Variants in EML2 observed in about 807,000 individuals in gnomAD.
The protein encoded by EML2 is echinoderm microtubule-associated protein-like 2.
Under a neutral mutation model 84.7 loss-of-function variants are expected in EML2, and 59 were observed. That is an observed-to-expected ratio of 0.70 (90% CI 0.56 to 0.86). The LOEUF is 0.86. Ranked by LOEUF, EML2 falls within the 40% of genes least tolerant of loss-of-function variation. The probability of loss-of-function intolerance (pLI) is 0.00; values close to 1 mark genes in which losing one functional copy is unlikely to be tolerated. For synonymous variants in EML2, 352 were observed against 348.9 expected (o/e 1.01, Z -0.10); for missense variants, 818 against 855.6 (o/e 0.96, Z 0.55).
intron 3 of EML2, among the ~76,000 whole-genome samples, chr19:45,637,662 C>CTTTTTTTTTTTTTT (rs1206550438): frequency 2.2e-5 from 1 of 45,800 alleles, no homozygotes; most frequent in Admixed American, 2.5e-4. Flanking sequence ...TTTTCTTTTT[C>CTTTTTTTTTTTTTT]TTTTCTTTTT....
Position 45,627,414 on chromosome 19 carries a change from C to T in EML2, c.607-575G>A, listed in dbSNP as rs145054011. ...GATTTACAGGGACGTGCCACCACAC[C>T]TGGCTAATTTTTGTATTTTTAGTAG... On this transcript the variant is annotated intron_variant, in intron 7 of 18. Coordinates refer to ENST00000245925, the MANE Select transcript of EML2 (RefSeq NM_012155.4). Among the ~76,000 whole-genome samples the T allele has an allele frequency of 3.3e-5, 5 of 152,088 alleles. No individual in the cohort carries two copies. In the East Asian group the frequency reaches 9.7e-4, roughly 30 times the overall value.
At chr19:45,627,762 A>T (rs556976063) in intron 7 of EML2, among the ~76,000 whole-genome samples, 8 of 152,220 alleles carry the variant, frequency 5.3e-5, no homozygotes, top group Non-Finnish European at 1.2e-4. Context: ...CTCATTGCAA[A>T]TTAAAAAGTG....
chr19:45,609,447 A>G lies in EML2; in HGVS notation c.*216T>C, dbSNP rs1970256770. 1 of 481,150 alleles carries G rather than the reference A, an allele frequency of 2.1e-6. No homozygotes were observed. The highest frequency in any genetic ancestry group is 4.2e-5 in the Admixed American group (1 of 23,838). 29.8% of individuals were successfully genotyped at this position (481,150 alleles called of 1,614,324 possible). A position where few individuals can be genotyped will look rare whatever the true frequency, so the allele number is the denominator to read the frequency against. On this transcript the variant is annotated 3_prime_UTR_variant, in exon 19 of 19. Transcript: ENST00000245925. ...TGGATGATATAAAAGAAAAAACTTA[A>G]AAAACACCCCAAACCAAACACCAAT...
At chr19:45,616,435 C>T (rs1223344263) in intron 15 of EML2, 26 bp downstream of exon 15, 29 of 1,546,792 alleles carry the variant, frequency 1.9e-5, no homozygotes, top group Middle Eastern at 3.4e-4. Context: ...GGTGGCGGCG[C>T]GGGCTGGGGG....
At chr19:45,611,629 G>C (rs968421854) in intron 18 of EML2, among the ~76,000 whole-genome samples, 2 of 151,766 alleles carry the variant, frequency 1.3e-5, no homozygotes, top group African/African-American at 4.8e-5. Flanking sequence ...GGGATCACAG[G>C]TGCCCGCCAC....
intron 8 of EML2, among the ~76,000 whole-genome samples, chr19:45,625,681 C>G (rs1242784052): frequency 2.0e-5 from 3 of 152,156 alleles, no homozygotes; most frequent in Non-Finnish European, 4.4e-5. Flanking sequence ...CATCTCCGTG[C>G]CCAGTGTTCT....
chr19:45,637,926 C>T (rs1246554010), intron 3 of EML2, among the ~76,000 whole-genome samples: 2 of 152,090 alleles, frequency 1.3e-5, no homozygotes, highest in Non-Finnish European at 2.9e-5. Flanking sequence ...ATCTGCCCAC[C>T]TCGGCCTCCC....
upstream of EML2, among the ~76,000 whole-genome samples, chr19:45,643,927 C>A (rs1358373179): frequency 6.6e-6 from 1 of 152,208 alleles, no homozygotes; most frequent in African/African-American, 2.4e-5. Context: ...TTGTTGGCAT[C>A]ACGTTTTGCA....
At chr19:45,610,713 G>A (rs1336968706) in intron 18 of EML2, among the ~76,000 whole-genome samples, 4 of 152,040 alleles carry the variant, frequency 2.6e-5, no homozygotes, top group African/African-American at 4.8e-5. Flanking sequence ...GGTGGCACAC[G>A]CCTGTAGTCC....
In EML2 at chr19:45,612,888, C is replaced by CA. The variant is rs1555742716; in HGVS notation, c.1824+652_1824+653insT. Reference sequence around the variant, plus strand: ...AGAGAATGGTAAAATTAACGTCCAGCTTTTTTTTTTGTTTTTGTCTTTGTT... The same window carrying CA: ...AGAGAATGGTAAAATTAACGTCCAGCATTTTTTTTTTGTTTTTGTCTTTGTT... On this transcript the variant is annotated intron_variant, in intron 18 of 18. Coordinates refer to ENST00000245925, the MANE Select transcript of EML2 (RefSeq NM_012155.4). 4.3e-3 allele frequency among the ~76,000 whole-genome samples: 641 copies of CA among 149,294 alleles called. 5 individuals carry two copies. The highest frequency in any genetic ancestry group is 0.015 in the African/African-American group (618 of 40,806).
In EML2 at chr19:45,637,470, A is replaced by ATTT. The variant is rs66503218; in HGVS notation, c.179+1032_179+1034dup. Among the ~76,000 whole-genome samples, 278 of 101,602 alleles carry ATTT rather than the reference A, an allele frequency of 2.7e-3. 1 individual carries two copies. Among genetic ancestry groups the ATTT allele is most frequent in the African/African-American group, 7.7e-3 (191 of 24,962 alleles). 66.7% of individuals were successfully genotyped at this position (101,602 alleles called of 152,430 possible). A position where few individuals can be genotyped will look rare whatever the true frequency, so the allele number is the denominator to read the frequency against. ...GTAAGTGCTTGAGTTATTATTTTGG[A>ATTT]TTTTTTTTTTTTTTTTTTTTTTTTT... is the stretch of plus-strand genomic sequence containing the variant. On this transcript the variant is annotated intron_variant, in intron 3 of 18. Coordinates refer to ENST00000245925, the MANE Select transcript of EML2 (RefSeq NM_012155.4).
Position 45,622,761 on chromosome 19 carries a change from C to G in EML2, c.842-1124G>C, listed in dbSNP as rs1430891707. ...AAGACAATTTTTTAAAAAGAGAGGGCAGGCGGCCGGGTTCGGTGGCTCATG... is the reference window on the plus strand; with the variant it reads ...AAGACAATTTTTTAAAAAGAGAGGGGAGGCGGCCGGGTTCGGTGGCTCATG... On this transcript the variant is annotated intron_variant, in intron 9 of 18. Transcript: ENST00000245925. Among the ~76,000 whole-genome samples the G allele has an allele frequency of 2.0e-5, 3 of 152,150 alleles. No homozygotes were observed. In the East Asian group the frequency reaches 5.8e-4, roughly 29 times the overall value.
chr19:45,633,460 T>G (rs1432551267), intron 4 of EML2, among the ~76,000 whole-genome samples: 1 of 150,908 alleles, frequency 6.6e-6, no homozygotes, highest in Non-Finnish European at 1.5e-5. Flanking sequence ...CTATTCAGTT[T>G]TTTTTTTTTT....
chr19:45,636,971 AT>A (rs1265935707), intron 3 of EML2, among the ~76,000 whole-genome samples: 10 of 152,270 alleles, frequency 6.6e-5, no homozygotes, highest in African/African-American at 2.2e-4. Flanking sequence ...ATATACATAT[AT>A]CCTGACCCCA....
chr19:45,619,192 C>T lies in EML2; in HGVS notation c.1123-1G>A. ...GGCCCCACAGCTCTTCCACATGGCC[C>T]TGGTGGAAAGGGAGGACAGCAGGAT... On this transcript the variant is annotated splice_acceptor_variant, in intron 11 of 18. Transcript: ENST00000245925. LOFTEE classifies it high-confidence loss of function. 6.2e-7 allele frequency: 1 copy of T among 1,609,832 alleles called. No homozygotes were observed. Among genetic ancestry groups the T allele is most frequent in the South Asian group, 1.1e-5 (1 of 90,720 alleles).
intron 3 of EML2, among the ~76,000 whole-genome samples, chr19:45,637,243 G>A (rs1441835901): frequency 1.3e-5 from 2 of 152,116 alleles, no homozygotes; most frequent in South Asian, 2.1e-4. Flanking sequence ...CCTGGGGTGT[G>A]GACTCCAAGC....
intron 18 of EML2, among the ~76,000 whole-genome samples, chr19:45,610,438 C>T (rs564919318): frequency 6.6e-5 from 10 of 152,110 alleles, no homozygotes; most frequent in East Asian, 1.9e-4. Flanking sequence ...TGGTGGCTCA[C>T]GCCTGTAATC....
chr19:45,629,250 C>G (rs1600165130), intron 7 of EML2, among the ~76,000 whole-genome samples: 1 of 151,966 alleles, frequency 6.6e-6, no homozygotes, highest in African/African-American at 2.4e-5. Flanking sequence ...CTACCTTAGC[C>G]TCCGAAGTAG....
At chr19:45,641,125 C>G (rs1173715764), upstream of EML2, 1 of 155,694 alleles carries the variant, frequency 6.4e-6, no homozygotes, top group East Asian at 1.9e-4. Flanking sequence ...ACGCCCTTTT[C>G]AACCTGGCAG....
Sources: gnomAD v4.1 joint callset for allele counts (sites outside exome capture counted in the v4.1 genomes callset) on GRCh38, gnomAD v4.1.1 for gene constraint, MANE v1.5 for transcripts, NCBI Gene and HGNC (gene_info 2026-07-23, HGNC 2026-07-21) for gene names.